The following ADGRF1 variants were observed in gnomAD, a reference collection of about 807,000 sequenced individuals.
ADGRF1 encodes the protein adhesion G protein-coupled receptor F1, also known as G protein-coupled receptor 110.
A neutral mutation model predicts 87.2 loss-of-function variants in ADGRF1; 85 were observed. That is an observed-to-expected ratio of 0.97 (90% CI 0.82 to 1.17). ADGRF1 has a LOEUF of 1.17. Among genes scored for constraint, ADGRF1 ranks in the 50% most tolerant of loss-of-function variants. The pLI, the probability that ADGRF1 is intolerant of heterozygous loss-of-function variation, is 0.00. For missense variants in ADGRF1, 1,169 were observed against 1,077.2 expected (o/e 1.09, Z -1.19); for synonymous variants, 430 against 408.8 (o/e 1.05, Z -0.63).
At position 47,029,135 on chromosome 6, in the gene ADGRF1, G is replaced by A. The variant is rs994696185; in HGVS notation, c.-43-31C>T. On this transcript the variant is annotated intron_variant, in intron 1 of 14. Coordinates refer to ENST00000371253, the MANE Select transcript of ADGRF1 (RefSeq NM_153840.4). ...CAAGCAGGGTACCAGGTAAGGTAGA[G>A]GCACAAAAACAAGAAATTCAAGCCA... 2.6e-5 allele frequency: 33 copies of A among 1,264,508 alleles called. No homozygotes were observed. The African/African-American group carries it at 3.2e-4, about 12-fold the overall frequency. The allele number at this position is 1,264,508 out of a possible 1,614,324, so 78.3% of individuals were successfully genotyped here.
intron 5 of ADGRF1, among the ~76,000 whole-genome samples, chr6:47,022,625 C>T (rs1380613318): frequency 1.3e-5 from 2 of 152,118 alleles, no homozygotes; most frequent in African/African-American, 4.8e-5. Context: ...TCCCTATCTG[C>T]CTCCCATCCT....
chr6:47,011,447 T>C (rs1779704608), intron 10 of ADGRF1, among the ~76,000 whole-genome samples: 1 of 152,258 alleles, frequency 6.6e-6, no homozygotes, highest in Admixed American at 6.5e-5. Flanking sequence ...ACACGCTATA[T>C]ATCACTTGTC....
intron 7 of ADGRF1, chr6:47,017,456 T>C (rs925217662): frequency 1.3e-5 from 2 of 152,178 alleles, no homozygotes; most frequent in Admixed American, 6.5e-5. Flanking sequence ...TGGGTAGCTA[T>C]GCATGTGGTC....
Position 47,012,035 on chromosome 6 carries a change from T to G in ADGRF1, c.1088A>C (p.His363Pro). The G allele has an allele frequency of 6.2e-7, 1 of 1,613,962 alleles. No individual in the cohort carries two copies. The highest frequency in any genetic ancestry group is 1.1e-5 in the South Asian group (1 of 91,060). ...SNISSLSLASHFRVSNSTMED... is the reference protein window; with the variant it reads ...SNISSLSLASPFRVSNSTMED... ...CATTGTTGAATTGGACACCCTGAAA[T>G]GGCTGGCCAGTGACAGAGATGAAAT... Residue 363 changes from histidine (H) to proline (P), a missense_variant, in exon 10 of 15, where the codon CAT (histidine) becomes CCT (proline). Coordinates refer to ENST00000371253, the MANE Select transcript of ADGRF1 (RefSeq NM_153840.4).
intron 5 of ADGRF1, 99 bp downstream of exon 5, chr6:47,023,945 T>C: frequency 9.0e-7 from 1 of 1,108,720 alleles, no homozygotes. Context: ...AATCTCCCTG[T>C]AAACAAACAT....
chr6:47,014,494 G>A, intron 9 of ADGRF1, 187 bp downstream of exon 9: 1 of 1,349,512 alleles, frequency 7.4e-7, no homozygotes. Context: ...CCTAGACTCT[G>A]CTGCCCAGAC....
Position 46,998,584 on chromosome 6 carries a change from C to T in ADGRF1, c.*1638G>A, listed in dbSNP as rs1042640800. 6.6e-6 allele frequency: 1 copy of T among 152,246 alleles called. No homozygotes were observed. The highest frequency in any genetic ancestry group is 2.4e-5 in the African/African-American group (1 of 41,438). The allele number at this position is 152,246 out of a possible 1,614,324, so 9.4% of individuals were successfully genotyped here. On this transcript the variant is annotated 3_prime_UTR_variant, in exon 15 of 15. Transcript: ENST00000371253. ...CCGGAGCTGTGGCCACAATTCTAGG[C>T]AAGAATCAGACTTCCATCAGCCATG...
At chr6:47,025,807 T>A (rs1469166573) in intron 4 of ADGRF1, 47 bp downstream of exon 4, 2 of 1,521,168 alleles carry the variant, frequency 1.3e-6, no homozygotes, top group South Asian at 1.3e-5. Flanking sequence ...CTGACTGATA[T>A]ACCCGCCTTC....
Position 46,999,278 on chromosome 6 carries a change from G to T in ADGRF1, c.*944C>A, listed in dbSNP as rs1486619702. ...AAGGATGTTTTAAGGTACCTCCCTGGAAGCTGACAACCAAATTCTCCCTTA... is the reference window on the plus strand; with the variant it reads ...AAGGATGTTTTAAGGTACCTCCCTGTAAGCTGACAACCAAATTCTCCCTTA... On this transcript the variant is annotated 3_prime_UTR_variant, in exon 15 of 15. Coordinates refer to ENST00000371253, the MANE Select transcript of ADGRF1 (RefSeq NM_153840.4). The T allele has an allele frequency of 6.6e-6, 1 of 152,190 alleles. No individual in the cohort carries two copies. Among genetic ancestry groups the T allele is most frequent in the Non-Finnish European group, 1.5e-5 (1 of 68,040 alleles). 9.4% of individuals were successfully genotyped at this position (152,190 alleles called of 1,614,324 possible).
chr6:46,998,556 C>G lies in ADGRF1; in HGVS notation c.*1666G>C, dbSNP rs1343438078. On this transcript the variant is annotated 3_prime_UTR_variant, in exon 15 of 15. Transcript: ENST00000371253. ...AACACAGAACTCATTCAGGGCTCTA[C>G]TACCGGAGCTGTGGCCACAATTCTA... The G allele has an allele frequency of 2.6e-5, 4 of 152,276 alleles. No individual in the cohort carries two copies. Among genetic ancestry groups the G allele is most frequent in the African/African-American group, 9.6e-5 (4 of 41,462 alleles). The allele number at this position is 152,276 out of a possible 1,614,324, so 9.4% of individuals were successfully genotyped here. A position where few individuals can be genotyped will look rare whatever the true frequency, so the allele number is the denominator to read the frequency against.
intron 9 of ADGRF1, chr6:47,014,364 G>A: frequency 9.6e-7 from 1 of 1,045,158 alleles, no homozygotes; most frequent in Non-Finnish European, 1.2e-6. Context: ...AGGTCTTCTG[G>A]ACTTCTGAGG....
intron 1 of ADGRF1, among the ~76,000 whole-genome samples, chr6:47,036,057 C>G (rs547661940): frequency 1.3e-5 from 2 of 152,086 alleles, no homozygotes; most frequent in Non-Finnish European, 2.9e-5. Context: ...ATGGTGAAAC[C>G]CCATCTCTAC....
rs1425864844 is a variant in ADGRF1, at chr6:47,015,712, C to T, written c.764-868G>A. 6.6e-5 allele frequency among the ~76,000 whole-genome samples: 10 copies of T among 151,726 alleles called. No homozygotes were observed. The East Asian group carries it at 9.6e-4, about 15-fold the overall frequency. ...AAGTGATTCCCCTGCCTTGGCCTCT[C>T]GAGTAGCTGGGATTACAGGTGTGTG... On this transcript the variant is annotated intron_variant, in intron 8 of 14. Transcript: ENST00000371253.
chr6:47,032,521 T>A (rs1780458918), intron 1 of ADGRF1, among the ~76,000 whole-genome samples: 1 of 152,170 alleles, frequency 6.6e-6, no homozygotes, highest in Non-Finnish European at 1.5e-5. Flanking sequence ...TGGGAAAAAA[T>A]GAAATCTCAA....
In ADGRF1 at chr6:47,027,735, T is replaced by C. The variant is rs1780281939; in HGVS notation, c.96A>G (p.Lys32=). The stretch of plus-strand genomic sequence containing the variant: ...GTTTTTTCTTATTCACAATGAGTTC[T>C]TTTTTTGTTTTGATGCCATCATTTT... ...LGKNDGIKTK[K]ELIVNKKKHL... Residue 32 remains lysine (K), a synonymous_variant, in exon 3 of 15, where the codon AAA becomes AAG. Coordinates refer to ENST00000371253, the MANE Select transcript of ADGRF1 (RefSeq NM_153840.4). 4 of 1,595,366 alleles carry C rather than the reference T, an allele frequency of 2.5e-6. No individual in the cohort carries two copies. The highest frequency in any genetic ancestry group is 1.1e-5 in the South Asian group (1 of 90,560).
chr6:47,023,107 G>T (rs1780116160), intron 5 of ADGRF1, among the ~76,000 whole-genome samples: 1 of 152,110 alleles, frequency 6.6e-6, no homozygotes, highest in Non-Finnish European at 1.5e-5. Flanking sequence ...AAGCCACTGT[G>T]CCCATCTTTC....
chr6:47,037,856 T>TTTTG (rs1194428445), intron 1 of ADGRF1, among the ~76,000 whole-genome samples: 2 of 151,886 alleles, frequency 1.3e-5, no homozygotes, highest in Non-Finnish European at 2.9e-5. Context: ...GAATGTGTGG[T>TTTTG]TTTGTTTGTT....
At chr6:47,020,451 C>T in intron 7 of ADGRF1, 1 of 1,235,350 alleles carries the variant, frequency 8.1e-7, no homozygotes, top group South Asian at 1.4e-5. Flanking sequence ...TTGCAGTGAG[C>T]CTAGATTGTG....
chr6:47,005,949 G>A (rs1178159127), intron 12 of ADGRF1, 73 bp from the exon 13 acceptor site: 1 of 876,274 alleles, frequency 1.1e-6, no homozygotes, highest in African/African-American at 1.7e-5. Context: ...AACAACTGCA[G>A]GTTGAAATGG....
Sources: allele counts gnomAD v4.1 joint callset (sites outside exome capture counted in the v4.1 genomes callset), GRCh38; gene constraint gnomAD v4.1.1; transcripts MANE v1.5; gene names NCBI Gene and HGNC (gene_info 2026-07-23, HGNC 2026-07-21).